LRBA: variants seen among roughly 807,000 people sequenced by gnomAD.
The protein encoded by LRBA is LPS responsive beige-like anchor protein.
In LRBA, 176 loss-of-function variants were observed where a neutral mutation model predicts 330.0. The ratio of observed to expected loss-of-function variants is 0.53; its 90% CI spans 0.47 to 0.60. The LOEUF is 0.60. Among genes scored for constraint, LRBA ranks in the 20% least tolerant of loss-of-function variants. The pLI is 0.00. For missense variants in LRBA, 3,259 were observed against 3,444.8 expected (o/e 0.95, Z 1.35); for synonymous variants, 1,230 against 1,193.0 (o/e 1.03, Z -0.64).
chr4:150,404,141 A>C (rs1745861977), intron 47 of LRBA, among the ~76,000 whole-genome samples: 1 of 152,236 alleles, frequency 6.6e-6, no homozygotes, highest in African/African-American at 2.4e-5. Flanking sequence ...TTCATGCACC[A>C]TAGAAGATTC....
intron 40 of LRBA, among the ~76,000 whole-genome samples, chr4:150,561,137 T>C (rs1398508666): frequency 6.6e-6 from 1 of 152,206 alleles, no homozygotes; most frequent in Non-Finnish European, 1.5e-5. Context: ...ATTATAAACC[T>C]ACCAATAATA....
At chr4:150,826,557 T>C (rs897774029) in intron 30 of LRBA, among the ~76,000 whole-genome samples, 4 of 152,136 alleles carry the variant, frequency 2.6e-5, no homozygotes, top group Non-Finnish European at 5.9e-5. Flanking sequence ...AAGAATCCTT[T>C]TTCTGGATTG....
chr4:150,485,603 A>G (rs1457008307), intron 42 of LRBA, among the ~76,000 whole-genome samples: 1 of 151,948 alleles, frequency 6.6e-6, no homozygotes, highest in Non-Finnish European at 1.5e-5. Context: ...GTGAAGAGAC[A>G]GAGGGAGAAG....
chr4:150,451,414 TC>T (rs1334395913), intron 44 of LRBA, among the ~76,000 whole-genome samples: 9 of 151,970 alleles, frequency 5.9e-5, no homozygotes, highest in African/African-American at 1.9e-4. Context: ...ATCTGACAAA[TC>T]CCCAAATACA....
At chr4:150,391,011 T>C (rs1438163683) in intron 47 of LRBA, among the ~76,000 whole-genome samples, 1 of 152,176 alleles carries the variant, frequency 6.6e-6, no homozygotes, top group East Asian at 1.9e-4. Context: ...AAGCCCAGCT[T>C]GATACCGCAC....
chr4:150,335,565 T>C (rs1254692876), intron 48 of LRBA, among the ~76,000 whole-genome samples: 1 of 150,720 alleles, frequency 6.6e-6, no homozygotes, highest in African/African-American at 2.4e-5. Context: ...CATATATGTA[T>C]ATATAAAGCA....
intron 56 of LRBA, among the ~76,000 whole-genome samples, chr4:150,270,409 T>C (rs1745919558): frequency 6.6e-6 from 1 of 152,206 alleles, no homozygotes; most frequent in Admixed American, 6.5e-5. Context: ...CTTGAAAGTG[T>C]TATGCCAAGT....
chr4:150,908,924 G>C (rs973909372), intron 9 of LRBA, 67 bp from the exon 10 acceptor site: 2 of 1,076,160 alleles, frequency 1.9e-6, no homozygotes, highest in African/African-American at 3.2e-5. Context: ...ATCAACACAG[G>C]TGTAAAACTT....
chr4:150,822,788 G>A (rs1162182667), intron 30 of LRBA, among the ~76,000 whole-genome samples: 6 of 152,106 alleles, frequency 3.9e-5, no homozygotes, highest in East Asian at 1.9e-4. Context: ...GAAGCCAGGC[G>A]CAGTGGCTGA....
chr4:150,772,828 GTTCTACTCAGAACTAT>G (rs1224396752), intron 34 of LRBA, among the ~76,000 whole-genome samples: 2 of 152,110 alleles, frequency 1.3e-5, no homozygotes, highest in Non-Finnish European at 2.9e-5. Flanking sequence ...CTTGTTCTGA[GTTCTACTCAGAACTAT>G]CAGCTTTTCA....
chr4:150,366,704 C>G (rs1257804703), intron 47 of LRBA, among the ~76,000 whole-genome samples: 1 of 152,256 alleles, frequency 6.6e-6, no homozygotes. Flanking sequence ...CACCCCATGA[C>G]AGAATGCAGC....
At chr4:150,950,066 T>C (rs1579294827) in intron 2 of LRBA, among the ~76,000 whole-genome samples, 2 of 152,174 alleles carry the variant, frequency 1.3e-5, no homozygotes, top group Non-Finnish European at 1.5e-5. Context: ...TTCAGATTCA[T>C]GTGTGCACTG....
chr4:150,786,255 T>TC (rs34386104), intron 34 of LRBA, among the ~76,000 whole-genome samples: 4 of 46,146 alleles, frequency 8.7e-5, no homozygotes, highest in Non-Finnish European at 2.2e-4. Flanking sequence ...TTTGCATTTC[T>TC]TTTTTTTTTT....
chr4:150,802,624 A>G (rs753463171), intron 33 of LRBA, among the ~76,000 whole-genome samples: 2 of 152,182 alleles, frequency 1.3e-5, no homozygotes, highest in African/African-American at 4.8e-5. Context: ...GTTAATTAAC[A>G]TCATTACAAT....
chr4:150,753,427 G>A (rs1326481832), intron 35 of LRBA, among the ~76,000 whole-genome samples: 3 of 152,114 alleles, frequency 2.0e-5, no homozygotes, highest in Non-Finnish European at 2.9e-5. Flanking sequence ...GGTTATGAGA[G>A]TTCCGTTTTT....
intron 38 of LRBA, among the ~76,000 whole-genome samples, chr4:150,596,087 C>T (rs1335695258): frequency 6.6e-6 from 1 of 151,922 alleles, no homozygotes. Flanking sequence ...TCTCCCATTA[C>T]AGCATGACTT....
At chr4:150,836,594 T>C (rs1725394359) in intron 28 of LRBA, among the ~76,000 whole-genome samples, 2 of 152,246 alleles carry the variant, frequency 1.3e-5, no homozygotes, top group South Asian at 4.1e-4. Context: ...GAGGTGTTTA[T>C]AGTATTCTCT....
intron 31 of LRBA, among the ~76,000 whole-genome samples, chr4:150,810,442 G>A (rs1043541996): frequency 2.7e-5 from 4 of 149,840 alleles, no homozygotes; most frequent in South Asian, 2.1e-4. Context: ...TTTATATACC[G>A]GAAGTTTTGT....
intron 2 of LRBA, among the ~76,000 whole-genome samples, chr4:150,950,894 G>T (rs563596237): frequency 2.0e-5 from 3 of 152,122 alleles, no homozygotes; most frequent in Non-Finnish European, 4.4e-5. Flanking sequence ...ATACAAGACT[G>T]AGAATGTGAG....
Sources: gnomAD v4.1 joint callset for allele counts (sites outside exome capture counted in the v4.1 genomes callset) on GRCh38, gnomAD v4.1.1 for gene constraint, MANE v1.5 for transcripts, NCBI Gene and HGNC (gene_info 2026-07-23, HGNC 2026-07-21) for gene names.